The following TEX13C variants were observed in gnomAD, a reference collection of about 807,000 sequenced individuals.
TEX13C encodes the protein testis-expressed protein 13C.
For missense variants in TEX13C, 480 were observed against 298.7 expected (o/e 1.61, Z -4.47); for synonymous variants, 219 against 116.6 (o/e 1.88, Z -5.65).
In TEX13C at chrX:125,322,868, A is replaced by G. The variant is rs1602635273; in HGVS notation, c.2749A>G (p.Ser917Gly). 9 of 515,289 alleles carry G rather than the reference A, an allele frequency of 1.7e-5. No homozygotes were observed. The East Asian group carries it at 3.2e-4, about 19-fold the overall frequency. The allele number at this position is 515,289 out of a possible 1,213,427, so 42.5% of individuals were successfully genotyped here. ...GGTAACCCCTCTGGAGGATAGCAAG[A>G]GCCATGGTGTGAAAAATAGCCCATG... Residue 917 changes from serine to glycine, a missense_variant, in exon 1 of 1, where the codon AGC becomes GGC. Ser to Gly is a moderately conservative substitution (Grantham distance 56). Transcript: ENST00000632600.
exon 1 of TEX13C, chrX:125,321,168 C>T: frequency 1.9e-6 from 1 of 513,200 alleles, no homozygotes. Flanking sequence ...ACAGCTCCCC[C>T]AGAGTTTAGC....
chrX:125,320,028 G>T (rs1254442861), upstream of TEX13C: 8 of 448,830 alleles, frequency 1.8e-5, no homozygotes, highest in Non-Finnish European at 3.1e-5. Context: ...GTGAGGGGTG[G>T]ACTGGTTGGT....
chrX:125,320,924 A>G (rs898161235), exon 1 of TEX13C: 2 of 515,533 alleles, frequency 3.9e-6, no homozygotes, highest in Non-Finnish European at 7.0e-6. Flanking sequence ...TCCTGCAGGG[A>G]TCTATCCACC....
At chrX:125,320,917 T>C (rs766015933) in exon 1 of TEX13C, 51 of 514,075 alleles carry the variant, frequency 9.9e-5, no homozygotes, top group African/African-American at 8.7e-4. Context: ...AGATGCCTCC[T>C]GCAGGGATCT....
exon 1 of TEX13C, chrX:125,322,130 C>T (rs1274932017): frequency 3.1e-5 from 15 of 486,736 alleles, no homozygotes; most frequent in Non-Finnish European, 5.4e-5. Context: ...CAGCCATAGC[C>T]TGAAGAAAGA....
At chrX:125,320,089 G>A (rs2018819754), upstream of TEX13C, 1 of 460,533 alleles carries the variant, frequency 2.2e-6, no homozygotes, top group Non-Finnish European at 3.8e-6. Flanking sequence ...GACGCACCGT[G>A]AGGCAGCTGC....
exon 1 of TEX13C, chrX:125,321,770 C>G: frequency 2.0e-6 from 1 of 512,316 alleles, no homozygotes; most frequent in Non-Finnish European, 3.5e-6. Flanking sequence ...GAAGAAAGAT[C>G]CAGTGATGCC....
At chrX:125,320,042 A>C, upstream of TEX13C, 3 of 451,755 alleles carry the variant, frequency 6.6e-6, no homozygotes, top group Non-Finnish European at 7.8e-6. Flanking sequence ...GGTTGGTGGC[A>C]GCAACCTGTA....
At chrX:125,322,488 G>T (rs1008002359) in exon 1 of TEX13C, 16 of 511,297 alleles carry the variant, frequency 3.1e-5, no homozygotes, top group African/African-American at 3.1e-4. Flanking sequence ...CTGACGTTTA[G>T]CAGGAGACAC....
chrX:125,319,912 C>T (rs893301971), upstream of TEX13C, among the ~76,000 whole-genome samples: 8 of 111,947 alleles, frequency 7.1e-5, no homozygotes, highest in African/African-American at 9.7e-5. Flanking sequence ...TTCGGTGTGG[C>T]GAGGAGGACC....
At chrX:125,322,957 G>A in exon 1 of TEX13C, 1 of 515,564 alleles carries the variant, frequency 1.9e-6, no homozygotes, top group Non-Finnish European at 3.5e-6. Flanking sequence ...CAGAATCCCA[G>A]CAACAGAAGC....
chrX:125,324,482 C>T (rs1386619519), exon 1 of TEX13C: 1 of 111,005 alleles, frequency 9.0e-6, no homozygotes, highest in South Asian at 3.9e-4. Context: ...ATCATCATAG[C>T]TCACTGCAGC....
chrX:125,322,580 G>C (rs1396189196), exon 1 of TEX13C: 1 of 512,678 alleles, frequency 2.0e-6, no homozygotes, highest in East Asian at 3.6e-5. Context: ...GAAAGAGTTA[G>C]TGATGCCCGA....
chrX:125,321,426 A>T (rs775875169), exon 1 of TEX13C: 2 of 512,840 alleles, frequency 3.9e-6, no homozygotes, highest in South Asian at 4.9e-5. Flanking sequence ...CCCCTGGGGG[A>T]CAGCAACAGC....
chrX:125,323,915 G>C (rs1438093315), exon 1 of TEX13C: 8 of 111,847 alleles, frequency 7.2e-5, no homozygotes, highest in Middle Eastern at 4.7e-3. Context: ...TCATTAGGGG[G>C]AAAAGGGAGA....
chrX:125,323,778 T>G (rs1249875638), exon 1 of TEX13C: 1 of 111,890 alleles, frequency 8.9e-6, no homozygotes, highest in Non-Finnish European at 1.9e-5. Context: ...CCTGTGACAT[T>G]AGAAGATCTG....
chrX:125,320,850 A>C, exon 1 of TEX13C: 5 of 514,679 alleles, frequency 9.7e-6, no homozygotes, highest in Non-Finnish European at 1.4e-5. Flanking sequence ...GGACTGCCAT[A>C]CTCAACACCT....
upstream of TEX13C, among the ~76,000 whole-genome samples, chrX:125,319,872 C>T (rs936040039): frequency 3.6e-5 from 4 of 112,449 alleles, no homozygotes; most frequent in African/African-American, 1.3e-4. Flanking sequence ...CAGCTTTTCT[C>T]TGTGATGTGT....
exon 1 of TEX13C, chrX:125,321,030 G>A: frequency 1.9e-6 from 1 of 515,401 alleles, no homozygotes; most frequent in Non-Finnish European, 3.5e-6. Context: ...AATTTCCAGG[G>A]AGTATATCAC....
Sources: allele counts gnomAD v4.1 joint callset (sites outside exome capture counted in the v4.1 genomes callset), GRCh38; gene constraint gnomAD v4.1.1; transcripts MANE v1.5; gene names NCBI Gene and HGNC (gene_info 2026-07-23, HGNC 2026-07-21).